The following KALRN variants were observed in gnomAD, a reference collection of about 807,000 sequenced individuals.
KALRN encodes the protein kalirin RhoGEF kinase, also known as kalirin.
In KALRN, 70 loss-of-function variants were observed where a neutral mutation model predicts 353.7. The ratio of observed to expected loss-of-function variants is 0.20; its 90% CI spans 0.16 to 0.24. The LOEUF is 0.24. Ranked by LOEUF, KALRN falls within the 10% of genes least tolerant of loss-of-function variation. KALRN has a pLI of 1.00. For synonymous variants in KALRN, 1,391 were observed against 1,434.8 expected (o/e 0.97, Z 0.69); for missense variants, 2,791 against 3,756.7 (o/e 0.74, Z 6.72).
chr3:124,712,355 A>T lies in KALRN; in HGVS notation c.8076-580A>T, dbSNP rs78344819. 0.015 allele frequency among the ~76,000 whole-genome samples: 2,254 copies of T among 152,328 alleles called. 90 individuals are homozygous for T. In the East Asian group the frequency reaches 0.17, roughly 11 times the overall value. On this transcript the variant is annotated intron_variant, in intron 57 of 59. Transcript: ENST00000682506. ...AAAAAATAATAAAAATGTTTTTAAA[A>T]TTATCGTTGAGTAGAATTCCTCCTT...
At chr3:124,372,934 A>G (rs921561083) in intron 10 of KALRN, among the ~76,000 whole-genome samples, 2 of 152,218 alleles carry the variant, frequency 1.3e-5, no homozygotes, top group African/African-American at 4.8e-5. Flanking sequence ...AGTGGCTACA[A>G]TTAGAGTCAC....
intron 34 of KALRN, among the ~76,000 whole-genome samples, chr3:124,568,825 A>G (rs2073171045): frequency 1.3e-5 from 2 of 152,324 alleles, no homozygotes; most frequent in South Asian, 2.1e-4. Flanking sequence ...GATGATTGCC[A>G]GGGGCTGGAG....
chr3:124,234,081 A>G (rs79985101), intron 2 of KALRN, among the ~76,000 whole-genome samples: 1 of 152,332 alleles, frequency 6.6e-6, no homozygotes, highest in Non-Finnish European at 1.5e-5. Flanking sequence ...AGCAACAGAA[A>G]TTGTCATTTT....
At chr3:124,440,725 A>G (rs1342692711) in intron 18 of KALRN, among the ~76,000 whole-genome samples, 1 of 152,084 alleles carries the variant, frequency 6.6e-6, no homozygotes, top group Non-Finnish European at 1.5e-5. Flanking sequence ...AAGAAAAATG[A>G]AATAAAATTT....
At chr3:124,345,167 G>A (rs1340024533) in intron 9 of KALRN, among the ~76,000 whole-genome samples, 2 of 152,144 alleles carry the variant, frequency 1.3e-5, no homozygotes, top group Admixed American at 1.3e-4. Context: ...ATTCATAAAC[G>A]ACCACTGGTA....
intron 1 of KALRN, among the ~76,000 whole-genome samples, chr3:124,191,562 C>T (rs1160680816): frequency 1.3e-5 from 2 of 152,236 alleles, no homozygotes; most frequent in Non-Finnish European, 2.9e-5. Flanking sequence ...TCTCCCCCTA[C>T]ATTGTGTCTG....
At chr3:124,496,014 C>CATAT (rs1433558735) in intron 32 of KALRN, among the ~76,000 whole-genome samples, 331 of 27,434 alleles carry the variant, frequency 0.012, 43 homozygotes, top group African/African-American at 0.062. Context: ...TATATATATA[C>CATAT]ACACACATAT....
intron 34 of KALRN, chr3:124,584,650 A>C (rs942240151): frequency 7.1e-6 from 10 of 1,410,034 alleles, no homozygotes; most frequent in Non-Finnish European, 9.2e-6. Context: ...CCCGCTTCCC[A>C]AGGTGGCAGT....
chr3:124,275,229 G>A (rs1560432828), intron 5 of KALRN, among the ~76,000 whole-genome samples: 3 of 152,140 alleles, frequency 2.0e-5, no homozygotes. Flanking sequence ...CTGAGGAGAT[G>A]TACCAGAATC....
chr3:124,132,452 A>C (rs2065414346), intron 1 of KALRN, among the ~76,000 whole-genome samples: 1 of 152,214 alleles, frequency 6.6e-6, no homozygotes, highest in African/African-American at 2.4e-5. Flanking sequence ...GGAAGTGAGC[A>C]CTGCAGCACC....
At chr3:124,197,282 A>G (rs1358382079) in intron 1 of KALRN, among the ~76,000 whole-genome samples, 1 of 152,190 alleles carries the variant, frequency 6.6e-6, no homozygotes, top group African/African-American at 2.4e-5. Context: ...TTTCCTGAAC[A>G]TCCATGATGC....
At chr3:124,377,377 A>G (rs950130955) in intron 10 of KALRN, among the ~76,000 whole-genome samples, 30 of 152,108 alleles carry the variant, frequency 2.0e-4, no homozygotes, top group Admixed American at 2.0e-3. Flanking sequence ...TCTGTTACTG[A>G]TTTCTAATTT....
rs768358120 is a variant in KALRN, at chr3:124,398,733, C to G, written c.2208C>G (p.Ser736Arg). The G allele has an allele frequency of 1.2e-6, 2 of 1,614,076 alleles. No homozygotes were observed. Among genetic ancestry groups the G allele is most frequent in the Admixed American group, 3.3e-5 (2 of 60,008 alleles). Reference protein sequence around the residue: ...SAVSNNKTPHSSSISHIESVL... With the variant: ...SAVSNNKTPHRSSISHIESVL... ...TGTCCAACAACAAAACACCCCACAG[C>G]AGCTCCATCAGCCACATCGAGTCGG... Residue 736 changes from serine to arginine, a missense_variant, in exon 13 of 60, where the codon AGC (serine) becomes AGG (arginine). By Grantham distance (110) the Ser-to-Arg change is moderately radical. This residue lies in a region of KALRN where 452 missense variants were observed against 575.8 expected (regional missense o/e 0.78). Transcript: ENST00000682506.
intron 8 of KALRN, among the ~76,000 whole-genome samples, chr3:124,332,795 GAGAA>G (rs1312898082): frequency 6.6e-6 from 1 of 152,112 alleles, no homozygotes; most frequent in Non-Finnish European, 1.5e-5. Context: ...TGCTTTTCAG[GAGAA>G]AGAAAGGGCT....
chr3:124,168,840 C>T (rs2071289908), intron 1 of KALRN, among the ~76,000 whole-genome samples: 1 of 152,188 alleles, frequency 6.6e-6, no homozygotes, highest in Non-Finnish European at 1.5e-5. Context: ...TGGAAGGCAT[C>T]TCCATGTGTC....
intron 1 of KALRN, among the ~76,000 whole-genome samples, chr3:124,043,183 G>A (rs1232814123): frequency 6.6e-6 from 1 of 152,136 alleles, no homozygotes; most frequent in Non-Finnish European, 1.5e-5. Context: ...TATGGGAGGT[G>A]GAATTCAAAT....
At chr3:124,185,810 C>T (rs1000087581) in intron 1 of KALRN, among the ~76,000 whole-genome samples, 1 of 152,204 alleles carries the variant, frequency 6.6e-6, no homozygotes, top group African/African-American at 2.4e-5. Context: ...ATTTGTCAGC[C>T]TAGCACTGAG....
At chr3:124,391,376 A>G (rs1031926895) in intron 11 of KALRN, among the ~76,000 whole-genome samples, 9 of 152,170 alleles carry the variant, frequency 5.9e-5, no homozygotes, top group Non-Finnish European at 1.3e-4. Context: ...AGTGGGGGAA[A>G]AAACACGCGT....
At chr3:124,259,044 C>A (rs191907072) in intron 3 of KALRN, among the ~76,000 whole-genome samples, 14 of 152,290 alleles carry the variant, frequency 9.2e-5, no homozygotes, top group Admixed American at 8.5e-4. Flanking sequence ...TAAGGGTCTG[C>A]TATTCAGGAA....
Sources: gnomAD v4.1 joint callset for allele counts (sites outside exome capture counted in the v4.1 genomes callset) on GRCh38, gnomAD v4.1.1 for gene constraint, gnomAD v4.1.1 regional missense constraint, MANE v1.5 for transcripts, NCBI Gene and HGNC (gene_info 2026-07-23, HGNC 2026-07-21) for gene names.